TRIM44: variants seen among roughly 807,000 people sequenced by gnomAD.
The protein encoded by TRIM44 is tripartite motif-containing protein 44.
TRIM44 carries 13 observed loss-of-function variants against 37.4 expected under a neutral mutation model. The ratio of observed to expected loss-of-function variants is 0.35; its 90% confidence interval spans 0.23 to 0.55. The LOEUF (loss-of-function observed/expected upper bound fraction) is 0.55, where lower values mean the gene tolerates loss of function less well. Among genes scored for constraint, TRIM44 ranks in the 20% least tolerant of loss-of-function variants. The pLI, the probability that TRIM44 is intolerant of heterozygous loss-of-function variation, is 0.89. For missense variants in TRIM44, 426 were observed against 437.2 expected (o/e 0.97, Z 0.23); for synonymous variants, 175 against 157.2 (o/e 1.11, Z -0.85).
intron 4 of TRIM44, among the ~76,000 whole-genome samples, chr11:35,790,142 A>G (rs1394934123): frequency 6.6e-6 from 1 of 152,174 alleles, no homozygotes; most frequent in Non-Finnish European, 1.5e-5. Context: ...TCCCCCCAGC[A>G]AAATTTAACC....
In TRIM44 at chr11:35,705,710, C is replaced by T. The variant is rs561211574; in HGVS notation, c.748-20214C>T. On this transcript the variant is annotated intron_variant, in intron 2 of 4. Transcript: ENST00000299413. ...GCAGAAATAAAGATGTTCTTTGAAACCAACGAGAACAAAGACACAACATAC... is the reference window on the plus strand; with the variant it reads ...GCAGAAATAAAGATGTTCTTTGAAATCAACGAGAACAAAGACACAACATAC... 2.0e-5 allele frequency among the ~76,000 whole-genome samples: 3 copies of T among 147,504 alleles called. No individual in the cohort carries two copies. In the Admixed American group the frequency reaches 2.0e-4, roughly 10 times the overall value.
chr11:35,738,240 C>T (rs1852349786), intron 4 of TRIM44, among the ~76,000 whole-genome samples: 1 of 152,336 alleles, frequency 6.6e-6, no homozygotes, highest in South Asian at 2.1e-4. Flanking sequence ...TAGAAGAATA[C>T]AAGGACTGTA....
chr11:35,705,654 G>A (rs1018306544), intron 2 of TRIM44, among the ~76,000 whole-genome samples: 7 of 149,150 alleles, frequency 4.7e-5, no homozygotes, highest in East Asian at 3.9e-4. Flanking sequence ...ACCTGCTCCT[G>A]AATGACTACT....
At chr11:35,749,406 C>T (rs957887466) in intron 4 of TRIM44, among the ~76,000 whole-genome samples, 4 of 152,084 alleles carry the variant, frequency 2.6e-5, no homozygotes, top group African/African-American at 9.7e-5. Context: ...CAGTAGAGGC[C>T]GGGTGCTACA....
chr11:35,774,910 C>T (rs1852932875), intron 4 of TRIM44, among the ~76,000 whole-genome samples: 3 of 152,184 alleles, frequency 2.0e-5, no homozygotes, highest in Admixed American at 6.5e-5. Context: ...GTGATGCCTC[C>T]ATCTTCGTTC....
chr11:35,668,863 C>T (rs999412716), intron 1 of TRIM44, among the ~76,000 whole-genome samples: 7 of 152,050 alleles, frequency 4.6e-5, no homozygotes, highest in Non-Finnish European at 7.4e-5. Context: ...TTTTCTCAGA[C>T]GTTTGTCCAT....
intron 4 of TRIM44, among the ~76,000 whole-genome samples, chr11:35,742,359 A>C (rs1209533899): frequency 2.1e-5 from 3 of 143,722 alleles, no homozygotes; most frequent in South Asian, 2.1e-4. Flanking sequence ...TATATTATCT[A>C]TATATATGGA....
chr11:35,757,268 A>T (rs890674315), intron 4 of TRIM44, among the ~76,000 whole-genome samples: 2 of 152,180 alleles, frequency 1.3e-5, no homozygotes, highest in African/African-American at 4.8e-5. Flanking sequence ...CATTTCTTCT[A>T]GATTTTCTAA....
chr11:35,687,385 A>G (rs1851594689), intron 2 of TRIM44, among the ~76,000 whole-genome samples: 1 of 152,228 alleles, frequency 6.6e-6, no homozygotes, highest in Non-Finnish European at 1.5e-5. Context: ...AAAAAATTAG[A>G]GTAACCTTTA....
chr11:35,705,900 A>G (rs1851872510), intron 2 of TRIM44, among the ~76,000 whole-genome samples: 2 of 148,990 alleles, frequency 1.3e-5, no homozygotes, highest in African/African-American at 4.9e-5. Flanking sequence ...GAGGCAAGAA[A>G]TAACTAAAAT....
At chr11:35,722,788 C>G (rs914049542) in intron 2 of TRIM44, among the ~76,000 whole-genome samples, 1 of 152,192 alleles carries the variant, frequency 6.6e-6, no homozygotes, top group Non-Finnish European at 1.5e-5. Flanking sequence ...TCTGGGAAGG[C>G]AGCCCAGTAG....
intron 1 of TRIM44, among the ~76,000 whole-genome samples, chr11:35,671,190 G>T (rs982103959): frequency 1.3e-5 from 2 of 152,172 alleles, no homozygotes; most frequent in Admixed American, 6.5e-5. Flanking sequence ...TTGGAAGGAA[G>T]TAGAAAAGAA....
intron 4 of TRIM44, among the ~76,000 whole-genome samples, chr11:35,749,255 A>G (rs1852531977): frequency 6.6e-6 from 1 of 152,246 alleles, no homozygotes; most frequent in African/African-American, 2.4e-5. Flanking sequence ...AGGTAAAGGA[A>G]GGTAAGTGAT....
At chr11:35,719,230 C>T (rs1264318522) in intron 2 of TRIM44, among the ~76,000 whole-genome samples, 1 of 152,138 alleles carries the variant, frequency 6.6e-6, no homozygotes, top group East Asian at 1.9e-4. Context: ...TCTTCCACAT[C>T]TTTGCCAGCA....
chr11:35,814,210 T>G lies in TRIM44; in HGVS notation c.*7825T>G, dbSNP rs1198684071. 2.0e-5 allele frequency: 3 copies of G among 152,224 alleles called. No homozygotes were observed. The highest frequency in any genetic ancestry group is 7.2e-5 in the African/African-American group (3 of 41,468). 9.4% of individuals were successfully genotyped at this position (152,224 alleles called of 1,614,324 possible). On this transcript the variant is annotated 3_prime_UTR_variant, in exon 5 of 5. Coordinates refer to ENST00000299413, the MANE Select transcript of TRIM44 (RefSeq NM_017583.6). ...TTAACCTGTAATAACAGGTTCTCAC[T>G]TGTATTTCTCCAGCTCTTTGCTGTA... is the stretch of plus-strand genomic sequence containing the variant.
chr11:35,786,275 A>C (rs552348037), intron 4 of TRIM44, among the ~76,000 whole-genome samples: 9 of 152,342 alleles, frequency 5.9e-5, no homozygotes, highest in African/African-American at 2.2e-4. Flanking sequence ...GAGAAAACTA[A>C]AACTCAGGAA....
chr11:35,730,466 C>G (rs1852242623), intron 3 of TRIM44, among the ~76,000 whole-genome samples: 1 of 152,088 alleles, frequency 6.6e-6, no homozygotes, highest in Admixed American at 6.6e-5. Context: ...GGCTGAAAGA[C>G]ATAAACCTAC....
At chr11:35,676,974 A>G (rs543304568) in intron 1 of TRIM44, among the ~76,000 whole-genome samples, 1 of 152,288 alleles carries the variant, frequency 6.6e-6, no homozygotes, top group East Asian at 1.9e-4. Flanking sequence ...ATTTTGTTTG[A>G]ATTTCCAGAG....
At chr11:35,764,508 A>C (rs1852767714) in intron 4 of TRIM44, among the ~76,000 whole-genome samples, 1 of 152,168 alleles carries the variant, frequency 6.6e-6, no homozygotes, top group Non-Finnish European at 1.5e-5. Context: ...CTCCATTAGC[A>C]AAAGTAGTAC....
Sources: allele counts gnomAD v4.1 joint callset (sites outside exome capture counted in the v4.1 genomes callset), GRCh38; gene constraint gnomAD v4.1.1; transcripts MANE v1.5; gene names NCBI Gene and HGNC (gene_info 2026-07-23, HGNC 2026-07-21).